Variants in HDAC9 observed in about 807,000 individuals in gnomAD.
HDAC9 encodes histone deacetylase 9.
In HDAC9, 41 loss-of-function variants were observed where a neutral mutation model predicts 139.4. That is an observed-to-expected ratio of 0.29 (90% confidence interval 0.23 to 0.38). The LOEUF (loss-of-function observed/expected upper bound fraction) is 0.38. Among genes scored for constraint, HDAC9 ranks in the 10% least tolerant of loss-of-function variants. HDAC9 has a pLI of 1.00. For synonymous variants in HDAC9, 517 were observed against 476.2 expected (o/e 1.09, Z -1.12); for missense variants, 1,147 against 1,297.0 (o/e 0.88, Z 1.78).
intron 2 of HDAC9, among the ~76,000 whole-genome samples, chr7:18,229,544 A>T (rs1793310349): frequency 6.6e-6 from 1 of 152,208 alleles, no homozygotes; most frequent in African/African-American, 2.4e-5. Context: ...TCATATGGAC[A>T]GCAGCTGCCA....
chr7:18,131,060 G>C (rs942764925), intron 1 of HDAC9, among the ~76,000 whole-genome samples: 5 of 151,986 alleles, frequency 3.3e-5, no homozygotes, highest in African/African-American at 1.2e-4. Context: ...GCTCAAATTT[G>C]TGCTCTTTCA....
chr7:18,990,470 T>TTAAG (rs1785801312), intron 25 of HDAC9, among the ~76,000 whole-genome samples: 1 of 152,246 alleles, frequency 6.6e-6, no homozygotes, highest in Admixed American at 6.5e-5. Context: ...ACAGGGACAT[T>TTAAG]TAAGTCTGCA....
chr7:18,347,105 A>G (rs910962897), intron 1 of HDAC9, among the ~76,000 whole-genome samples: 1 of 152,208 alleles, frequency 6.6e-6, no homozygotes, highest in Admixed American at 6.5e-5. Flanking sequence ...AACTCTTTTT[A>G]GAACACAATA....
At chr7:18,740,033 G>C (rs1448620724) in intron 13 of HDAC9, among the ~76,000 whole-genome samples, 1 of 152,208 alleles carries the variant, frequency 6.6e-6, no homozygotes, top group African/African-American at 2.4e-5. Flanking sequence ...AGACTGCTCT[G>C]CTAGCACTGA....
Position 18,190,044 on chromosome 7 carries a change from ATTC to A in HDAC9, c.25+27700_25+27702del, listed in dbSNP as rs1384056960. ...AACCTCTGCCTCCCGGGTTCAAGCA[ATTC>A]TTCTGCCTCAACCTCCCAACTAGCT... is the stretch of plus-strand genomic sequence containing the variant. On this transcript the variant is annotated intron_variant, in intron 2 of 12. Transcript: ENST00000417496. Among the ~76,000 whole-genome samples, 3 of 151,990 alleles carry A rather than the reference ATTC, an allele frequency of 2.0e-5. No homozygotes were observed. The East Asian group carries it at 5.8e-4, about 30-fold the overall frequency.
intron 1 of HDAC9, among the ~76,000 whole-genome samples, chr7:18,124,899 C>CT (rs11433623): frequency 0.26 from 38,124 of 144,022 alleles, 5,163 homozygotes; most frequent in South Asian, 0.52. Flanking sequence ...CTTTCTTTTT[C>CT]TTTTTTTTTT....
At chr7:18,513,532 C>T (rs1354327114) in intron 2 of HDAC9, among the ~76,000 whole-genome samples, 2 of 152,274 alleles carry the variant, frequency 1.3e-5, no homozygotes, top group South Asian at 2.1e-4. Flanking sequence ...GATCAAAGGA[C>T]AGCAATTCCA....
intron 16 of HDAC9, among the ~76,000 whole-genome samples, chr7:18,769,160 A>T (rs781431418): frequency 6.6e-6 from 1 of 152,124 alleles, no homozygotes; most frequent in Admixed American, 6.6e-5. Flanking sequence ...CCATCTCCCT[A>T]GGACTCACCT....
intron 21 of HDAC9, among the ~76,000 whole-genome samples, chr7:18,852,485 A>G (rs1797374570): frequency 6.6e-6 from 1 of 152,224 alleles, no homozygotes; most frequent in Admixed American, 6.5e-5. Flanking sequence ...ACTCTCTTTC[A>G]AAGAAATAAT....
intron 1 of HDAC9, among the ~76,000 whole-genome samples, chr7:18,135,235 T>G (rs1359876825): frequency 6.7e-6 from 1 of 149,358 alleles, no homozygotes; most frequent in Non-Finnish European, 1.5e-5. Context: ...ATAATTGTGT[T>G]TGTTTGCAAA....
At chr7:18,327,277 A>C (rs1800528567) in intron 1 of HDAC9, among the ~76,000 whole-genome samples, 1 of 151,896 alleles carries the variant, frequency 6.6e-6, no homozygotes, top group African/African-American at 2.4e-5. Context: ...GATTATATTT[A>C]ATCTGGTAAC....
upstream of HDAC9, among the ~76,000 whole-genome samples, chr7:18,288,163 A>G (rs754694047): frequency 6.6e-6 from 1 of 152,356 alleles, no homozygotes; most frequent in South Asian, 2.1e-4. Context: ...TAACCAACAC[A>G]GTGCAGCTCC....
At chr7:18,170,873 G>A (rs1307069385) in intron 2 of HDAC9, among the ~76,000 whole-genome samples, 1 of 152,162 alleles carries the variant, frequency 6.6e-6, no homozygotes, top group African/African-American at 2.4e-5. Context: ...TTGAAGTCAG[G>A]TAGCGTGATG....
At chr7:18,308,881 C>T (rs1799105828) in intron 1 of HDAC9, among the ~76,000 whole-genome samples, 1 of 152,148 alleles carries the variant, frequency 6.6e-6, no homozygotes, top group South Asian at 2.1e-4. Flanking sequence ...ATCCCTTCTT[C>T]AGATCCACTT....
chr7:18,352,679 T>C (rs930162951), intron 1 of HDAC9, among the ~76,000 whole-genome samples: 2 of 152,096 alleles, frequency 1.3e-5, no homozygotes, highest in Non-Finnish European at 2.9e-5. Context: ...GTTAGCATGC[T>C]AGATTCAGGG....
upstream of HDAC9, among the ~76,000 whole-genome samples, chr7:18,491,977 C>T (rs1390792209): frequency 1.3e-5 from 2 of 151,932 alleles, no homozygotes; most frequent in African/African-American, 4.8e-5. Flanking sequence ...ATCCACAGGT[C>T]CACCCCTTGT....
At chr7:18,590,776 C>T (rs1830721651) in intron 4 of HDAC9, among the ~76,000 whole-genome samples, 1 of 152,112 alleles carries the variant, frequency 6.6e-6, no homozygotes, top group Non-Finnish European at 1.5e-5. Context: ...CTAATATATG[C>T]CATCTTGTTT....
upstream of HDAC9, among the ~76,000 whole-genome samples, chr7:18,286,011 G>A (rs767220520): frequency 6.6e-5 from 10 of 151,994 alleles, no homozygotes; most frequent in Non-Finnish European, 1.5e-4. Flanking sequence ...CAACAATGTT[G>A]AACTAGCAAT....
chr7:18,542,362 A>G (rs1813277089), intron 2 of HDAC9, among the ~76,000 whole-genome samples: 1 of 152,180 alleles, frequency 6.6e-6, no homozygotes, highest in South Asian at 2.1e-4. Context: ...ATACCTTAAT[A>G]AAACCTCCTT....
Sources: gnomAD v4.1 joint callset for allele counts (sites outside exome capture counted in the v4.1 genomes callset) on GRCh38, gnomAD v4.1.1 for gene constraint, MANE v1.5 for transcripts, NCBI Gene and HGNC (gene_info 2026-07-23, HGNC 2026-07-21) for gene names.